Variants in EIF2AK4 observed in about 807,000 individuals in gnomAD.
EIF2AK4 encodes eukaryotic translation initiation factor 2 alpha kinase 4.
In EIF2AK4, 139 loss-of-function variants were observed where a neutral mutation model predicts 211.1. The ratio of observed to expected loss-of-function variants is 0.66; its 90% CI spans 0.57 to 0.76. The LOEUF is 0.76. EIF2AK4 is among the 30% of genes least tolerant of loss of function. The probability of loss-of-function intolerance (pLI) is 0.00; values close to 1 mark genes in which losing one functional copy is unlikely to be tolerated. For missense variants in EIF2AK4, 1,664 were observed against 2,043.8 expected (o/e 0.81, Z 3.58); for synonymous variants, 710 against 751.3 (o/e 0.94, Z 0.90).
At chr15:40,015,834 A>G (rs1350717288) in intron 27 of EIF2AK4, among the ~76,000 whole-genome samples, 3 of 152,108 alleles carry the variant, frequency 2.0e-5, no homozygotes, top group African/African-American at 7.2e-5. Flanking sequence ...AGCTCCTGGG[A>G]GTTTTCTTTC....
intron 36 of EIF2AK4, 55 bp from the exon 37 acceptor site, chr15:40,032,702 T>G: frequency 6.5e-7 from 1 of 1,537,990 alleles, no homozygotes; most frequent in Non-Finnish European, 9.0e-7. Context: ...GACACTATGG[T>G]CACAAGGCAG....
At chr15:39,944,532 C>T (rs1472758074) in intron 3 of EIF2AK4, among the ~76,000 whole-genome samples, 3 of 150,480 alleles carry the variant, frequency 2.0e-5, no homozygotes, top group Non-Finnish European at 4.4e-5. Flanking sequence ...CCCGGGTTCG[C>T]GCCATTCTCC....
intron 1 of EIF2AK4, among the ~76,000 whole-genome samples, chr15:39,938,783 C>A (rs1026639813): frequency 6.6e-6 from 1 of 152,158 alleles, no homozygotes; most frequent in African/African-American, 2.4e-5. Context: ...ACCTGCCTTG[C>A]AAAGTTGGTA....
At chr15:39,940,743 C>T (rs1327674416) in intron 2 of EIF2AK4, among the ~76,000 whole-genome samples, 1 of 151,720 alleles carries the variant, frequency 6.6e-6, no homozygotes, top group Non-Finnish European at 1.5e-5. Flanking sequence ...ATGTGGGTGT[C>T]CAGTAGTTCA....
intron 3 of EIF2AK4, among the ~76,000 whole-genome samples, chr15:39,948,113 A>T (rs2034254842): frequency 6.6e-6 from 1 of 152,218 alleles, no homozygotes; most frequent in Admixed American, 6.5e-5. Context: ...GTAAGAAAAA[A>T]TGCATTAACA....
In EIF2AK4 at chr15:39,934,227, G is replaced by C; in HGVS notation, c.32G>C (p.Gly11Ala). The change falls in exon 1 of 39, where the codon GGC becomes GCC. Residue 11 changes from glycine (G) to alanine (A), a missense_variant. Physicochemically the swap from Gly to Ala is moderately conservative, Grantham distance 60 (BLOSUM62 0). Around this residue, in one of 7 missense-constraint regions of EIF2AK4, gnomAD observed 641 missense variants for 729.6 expected, o/e 0.88. Coordinates refer to ENST00000263791, the MANE Select transcript of EIF2AK4 (RefSeq NM_001013703.4). ...GGGGGCCGTGGGGCCCCCGGGCGCG[G>C]CCGGGACGAGCCTCCGGAGAGCTAC... MAGGRGAPGR[G>A]RDEPPESYPQ... 1.3e-6 allele frequency: 2 copies of C among 1,596,990 alleles called. No homozygotes were observed. Among genetic ancestry groups the C allele is most frequent in the Non-Finnish European group, 1.7e-6 (2 of 1,172,934 alleles).
At chr15:39,943,773 G>A (rs2034181958) in intron 3 of EIF2AK4, among the ~76,000 whole-genome samples, 1 of 152,016 alleles carries the variant, frequency 6.6e-6, no homozygotes, top group Non-Finnish European at 1.5e-5. Flanking sequence ...AGACCAGCCT[G>A]AGCAAAATGG....
intron 6 of EIF2AK4, among the ~76,000 whole-genome samples, chr15:39,958,979 AT>A (rs1206966866): frequency 2.6e-5 from 4 of 152,194 alleles, no homozygotes; most frequent in Admixed American, 2.6e-4. Context: ...GTCATCTAAA[AT>A]TGTATTATGT....
intron 4 of EIF2AK4, among the ~76,000 whole-genome samples, chr15:39,953,447 A>G (rs1360686982): frequency 6.6e-6 from 1 of 152,194 alleles, no homozygotes; most frequent in African/African-American, 2.4e-5. Context: ...TAGGTATGGT[A>G]CTTGGGCCAT....
intron 7 of EIF2AK4, among the ~76,000 whole-genome samples, chr15:39,964,131 A>T (rs538476406): frequency 7.9e-5 from 12 of 152,352 alleles, no homozygotes; most frequent in African/African-American, 2.9e-4. Flanking sequence ...TCTCTAAATT[A>T]TCAGCATTCC....
intron 11 of EIF2AK4, 155 bp downstream of exon 11, chr15:39,973,904 G>A: frequency 1.3e-6 from 1 of 783,898 alleles, no homozygotes; most frequent in Non-Finnish European, 2.0e-6. Context: ...GGAGTTAAAG[G>A]TTTTATTTAA....
intron 17 of EIF2AK4, 97 bp downstream of exon 17, chr15:39,992,326 G>A (rs778137279): frequency 3.1e-5 from 32 of 1,019,230 alleles, no homozygotes; most frequent in East Asian, 7.7e-5. Flanking sequence ...TTTATTCTAC[G>A]GCAGATTTTA....
chr15:39,971,113 G>A (rs1223164247), intron 9 of EIF2AK4, among the ~76,000 whole-genome samples: 1 of 152,218 alleles, frequency 6.6e-6, no homozygotes, highest in Non-Finnish European at 1.5e-5. Flanking sequence ...AGCTTGGCAT[G>A]GTGGTTCATG....
At position 39,946,726 on chromosome 15, in the gene EIF2AK4, CTTCTT is replaced by C. The variant is rs985103328; in HGVS notation, c.361-2387_361-2383del. Reference sequence around the variant, plus strand: ...ATCGATGCAGCAACTTCATTGTTGTCTTCTTTTAAGAAATTGCCGCAACCACCCCA... The same window carrying C: ...ATCGATGCAGCAACTTCATTGTTGTCTTAAGAAATTGCCGCAACCACCCCA... On this transcript the variant is annotated intron_variant, in intron 3 of 38. Coordinates refer to ENST00000263791, the MANE Select transcript of EIF2AK4 (RefSeq NM_001013703.4). The C allele has an allele frequency of 5.1e-5, 35 of 691,086 alleles. 1 individual carries two copies. The Middle Eastern group carries it at 1.1e-3, about 22-fold the overall frequency. 42.8% of individuals were successfully genotyped at this position (691,086 alleles called of 1,614,324 possible). A position where few individuals can be genotyped will look rare whatever the true frequency, so the allele number is the denominator to read the frequency against.
chr15:40,032,654 G>T, intron 36 of EIF2AK4, 103 bp from the exon 37 acceptor site: 1 of 1,038,188 alleles, frequency 9.6e-7, no homozygotes, highest in Non-Finnish European at 1.5e-6. Context: ...TAGCATCTCA[G>T]ACTCTGCAAA....
rs954894190 is a variant in EIF2AK4 at position 39,965,719 on chromosome 15, A to G, written c.893A>G (p.Asn298Ser). 1.2e-6 allele frequency: 2 copies of G among 1,614,058 alleles called. No homozygotes were observed. The highest frequency in any genetic ancestry group is 1.7e-6 in the Non-Finnish European group (2 of 1,179,960). Residue 298 changes from asparagine to serine, a missense_variant, in exon 8 of 39, where the codon AAT becomes AGT. By Grantham distance (46) the Asn-to-Ser change is conservative. Coordinates refer to ENST00000263791, the MANE Select transcript of EIF2AK4 (RefSeq NM_001013703.4). ...GAACAACTTGGAAAATTAGTCTACA[A>G]TGCTTTGGAAACAGCCACTGGTGGC... ...SDEQLGKLVYNALETATGGFV... is the reference protein window; with the variant it reads ...SDEQLGKLVYSALETATGGFV...
chr15:39,955,889 C>T (rs983099730), intron 6 of EIF2AK4, 121 bp downstream of exon 6: 8 of 988,396 alleles, frequency 8.1e-6, no homozygotes, highest in Admixed American at 3.6e-5. Flanking sequence ...TTTTTCAAAC[C>T]TTATATATCT....
At chr15:39,989,306 G>A (rs767023100) in intron 15 of EIF2AK4, among the ~76,000 whole-genome samples, 2 of 151,946 alleles carry the variant, frequency 1.3e-5, no homozygotes, top group Non-Finnish European at 2.9e-5. Context: ...TTTTTCCTTT[G>A]CCTCAAATTT....
Position 39,990,344 on chromosome 15 carries a change from T to C in EIF2AK4, c.2598T>C (p.Asp866=), listed in dbSNP as rs766929057. The part of the protein sequence containing the change: ...LDSDDHVKIG[D]FGLATDHLAF... Reference sequence around the variant, plus strand: ...CTGATGACCATGTGAAAATAGGTGATTTTGGTTTGGCGACAGACCATCTAG... The same window carrying C: ...CTGATGACCATGTGAAAATAGGTGACTTTGGTTTGGCGACAGACCATCTAG... Residue 866 remains aspartate (D), a synonymous_variant, in exon 16 of 39, where the codon GAT becomes GAC. Transcript: ENST00000263791. The C allele has an allele frequency of 6.2e-7, 1 of 1,614,176 alleles. No individual in the cohort carries two copies. The highest frequency in any genetic ancestry group is 2.2e-5 in the East Asian group (1 of 44,880).
Sources: gnomAD v4.1 joint callset for allele counts (sites outside exome capture counted in the v4.1 genomes callset) on GRCh38, gnomAD v4.1.1 for gene constraint, gnomAD v4.1.1 regional missense constraint, MANE v1.5 for transcripts, NCBI Gene and HGNC (gene_info 2026-07-23, HGNC 2026-07-21) for gene names.